Variants in KIAA1210 observed in about 807,000 individuals in gnomAD.
KIAA1210 encodes KIAA1210.
KIAA1210 carries 48 observed loss-of-function variants against 78.9 expected under a neutral mutation model. The ratio of observed to expected loss-of-function variants is 0.61; its 90% CI spans 0.48 to 0.77. The LOEUF is 0.77. KIAA1210 is among the 30% of genes least tolerant of loss of function. The pLI is 0.00. For synonymous variants in KIAA1210, 406 were observed against 404.5 expected (o/e 1.00, Z -0.04); for missense variants, 1,108 against 1,100.0 (o/e 1.01, Z -0.10).
At chrX:119,143,306 C>T (rs932194406) in intron 2 of KIAA1210, among the ~76,000 whole-genome samples, 2 of 112,503 alleles carry the variant, frequency 1.8e-5, no homozygotes, top group African/African-American at 3.2e-5. Context: ...TGGATCCAAC[C>T]TGTGCCCTTG....
At position 119,149,872 on chromosome X, in the gene KIAA1210, C is replaced by G. The variant is rs183946024; in HGVS notation, c.289+419G>C. ...TCCCTCTCTCTTTCCATCCCTCTCTCGGCCTTCCTCTCGTCTCTCTTCCAC... is the reference window on the plus strand; with the variant it reads ...TCCCTCTCTCTTTCCATCCCTCTCTGGGCCTTCCTCTCGTCTCTCTTCCAC... On this transcript the variant is annotated intron_variant, in intron 1 of 13. Coordinates refer to the KIAA1210 transcript ENST00000402510. 3.6e-3 allele frequency among the ~76,000 whole-genome samples: 401 copies of G among 111,105 alleles called. 2 individuals are homozygous for G. Among genetic ancestry groups the G allele is most frequent in the African/African-American group, 0.013 (384 of 30,537 alleles).
At chrX:119,124,164 T>C (rs1393508669) in intron 1 of KIAA1210, among the ~76,000 whole-genome samples, 1 of 111,909 alleles carries the variant, frequency 8.9e-6, no homozygotes, top group African/African-American at 3.3e-5. Context: ...ACCCAACTAA[T>C]TTTTGAATTT....
upstream of KIAA1210, among the ~76,000 whole-genome samples, chrX:119,128,810 G>T (rs989631629): frequency 5.4e-5 from 6 of 110,716 alleles, no homozygotes; most frequent in Non-Finnish European, 9.5e-5. Context: ...CAAGTAGCTG[G>T]GATTACAGAC....
In KIAA1210 at chrX:119,083,006, T is replaced by C; in HGVS notation, c.4426+9A>G. The C allele has an allele frequency of 8.6e-7, 1 of 1,159,238 alleles. No homozygotes were observed. Among genetic ancestry groups the C allele is most frequent in the Non-Finnish European group, 1.2e-6 (1 of 857,250 alleles). ...CTGTTTTTTGAGAGGTCAGAATGTA[T>C]GCTTTTACCTGATTTTGTAGGCTTA... On this transcript the variant is annotated intron_variant, in intron 11 of 11. Coordinates refer to ENST00000691062, the MANE Select transcript of KIAA1210 (RefSeq NM_001394962.1).
intron 1 of KIAA1210, among the ~76,000 whole-genome samples, chrX:119,125,726 TATATATATA>T (rs1404573547): frequency 2.7e-4 from 2 of 7,348 alleles, no homozygotes; most frequent in Non-Finnish European, 7.6e-4. Context: ...TATATATATA[TATATATATA>T]TTTTTTTTTT....
chrX:119,112,365 T>A (rs1928108124), intron 3 of KIAA1210, among the ~76,000 whole-genome samples: 1 of 111,595 alleles, frequency 9.0e-6, no homozygotes. Flanking sequence ...ATATATCTGA[T>A]AAGTCTTGGA....
chrX:119,089,355 A>T lies in KIAA1210; in HGVS notation c.1347T>A (p.Asp449Glu). ...CTGCTGATGCTTTTCTGGATCCGAA[A>T]TCTATGCCAGCATTTCTCCTTCCCA... is the stretch of plus-strand genomic sequence containing the variant. ...DDMGRRNAGI[D>E]FGSRKASAAQ... The change falls in exon 9 of 12, where the codon GAT becomes GAA. Residue 449 changes from aspartate to glutamate, a missense_variant. Around this residue, in one of 5 missense-constraint regions of KIAA1210, gnomAD observed 672 missense variants for 607.1 expected, o/e 1.11. Coordinates refer to ENST00000691062, the MANE Select transcript of KIAA1210 (RefSeq NM_001394962.1). The T allele has an allele frequency of 8.3e-7, 1 of 1,211,442 alleles. No individual in the cohort carries two copies. Among genetic ancestry groups the T allele is most frequent in the Non-Finnish European group, 1.1e-6 (1 of 895,334 alleles).
intron 2 of KIAA1210, among the ~76,000 whole-genome samples, chrX:119,120,966 G>A (rs1458426923): frequency 9.0e-6 from 1 of 111,037 alleles, no homozygotes; most frequent in African/African-American, 3.3e-5. Flanking sequence ...AGTAGCAAGG[G>A]TCTATGTCTT....
chrX:119,148,924 G>A (rs183968207), intron 1 of KIAA1210, among the ~76,000 whole-genome samples: 5 of 110,361 alleles, frequency 4.5e-5, no homozygotes, highest in African/African-American at 1.6e-4. Flanking sequence ...CTGTGTTTCT[G>A]CCCAAATTTG....
chrX:119,085,455 G>A lies in KIAA1210; in HGVS notation c.4248C>T (p.His1416=). The change falls in exon 10 of 12, where the codon CAC becomes CAT. Residue 1416 remains histidine, a synonymous_variant. Transcript: ENST00000691062. The part of the protein sequence containing the change: ...AKQKQKSFKA[H]ISVKELKTKS... ...TAGTTTTCAGCTCTTTCACAGAAAT[G>A]TGGGCCTTGAAACTCTTCTGCTTCT... The A allele has an allele frequency of 8.3e-7, 1 of 1,211,549 alleles. No individual in the cohort carries two copies. The highest frequency in any genetic ancestry group is 1.8e-5 in the South Asian group (1 of 56,977).
Position 119,085,558 on chromosome X carries a change from A to C in KIAA1210, c.4157-12T>G. Reference sequence around the variant, plus strand: ...ACCAGCAGGCTTTCCTGAGAAAGAAATGAAAGGAGTTAGAACTGAAGCAAG... The same window carrying C: ...ACCAGCAGGCTTTCCTGAGAAAGAACTGAAAGGAGTTAGAACTGAAGCAAG... On this transcript the variant is annotated splice_polypyrimidine_tract_variant and intron_variant, in intron 9 of 11. Transcript: ENST00000691062. The C allele has an allele frequency of 6.6e-6, 8 of 1,205,104 alleles. No individual in the cohort carries two copies. Among genetic ancestry groups the C allele is most frequent in the Non-Finnish European group, 9.0e-6 (8 of 892,345 alleles).
At chrX:119,121,076 T>C (rs1252991214) in intron 2 of KIAA1210, among the ~76,000 whole-genome samples, 2 of 111,311 alleles carry the variant, frequency 1.8e-5, no homozygotes, top group Non-Finnish European at 3.8e-5. Context: ...GTCTCAGCCC[T>C]GGGAGTGAGA....
At chrX:119,147,314 A>G (rs991238809) in intron 2 of KIAA1210, among the ~76,000 whole-genome samples, 4 of 111,770 alleles carry the variant, frequency 3.6e-5, no homozygotes, top group African/African-American at 1.3e-4. Context: ...CCTCATTACA[A>G]GTCAATATTT....
In KIAA1210 at chrX:119,084,762, A is replaced by G. The variant is rs192860475; in HGVS notation, c.4320+621T>C. Among the ~76,000 whole-genome samples the G allele has an allele frequency of 6.2e-4, 70 of 112,218 alleles. 1 individual carries two copies. The highest frequency in any genetic ancestry group is 4.7e-3 in the Admixed American group (50 of 10,614). On this transcript the variant is annotated intron_variant, in intron 10 of 11. Coordinates refer to ENST00000691062, the MANE Select transcript of KIAA1210 (RefSeq NM_001394962.1). The stretch of plus-strand genomic sequence containing the variant: ...CAAACCTATGGAAATAAAAAATTAA[A>G]AATAAAATAAAATGACTTACTCCTT...
Position 119,081,353 on chromosome X carries a change from G to A in KIAA1210, c.4578C>T (p.Ser1526=), listed in dbSNP as rs1489609176. The A allele has an allele frequency of 1.7e-6, 2 of 1,205,906 alleles. No homozygotes were observed. The highest frequency in any genetic ancestry group is 2.2e-6 in the Non-Finnish European group (2 of 892,691). Residue 1526 remains serine, a synonymous_variant, in exon 12 of 12, where the codon AGC becomes AGT. Coordinates refer to ENST00000691062, the MANE Select transcript of KIAA1210 (RefSeq NM_001394962.1). ...TTTATTGCGTGATTTCTGCCATGTG[G>A]CTCCATGCTTTGGCTTTCTTCCTGG... ...SLARKKAKAW[S]HMAEITQ
intron 1 of KIAA1210, among the ~76,000 whole-genome samples, chrX:119,125,470 T>C (rs1263132918): frequency 9.3e-6 from 1 of 107,579 alleles, no homozygotes; most frequent in Non-Finnish European, 1.9e-5. Flanking sequence ...ATGAAAAGGA[T>C]AGTTCTCCCA....
chrX:119,082,989 T>C (rs1376779099), intron 11 of KIAA1210, 26 bp downstream of exon 11: 27 of 1,069,857 alleles, frequency 2.5e-5, no homozygotes, highest in African/African-American at 3.7e-5. Context: ...GGCTGTTTTT[T>C]GAGAGGTCAG....
chrX:119,108,641 G>A (rs970211889), intron 4 of KIAA1210, among the ~76,000 whole-genome samples, 170 bp from the exon 5 acceptor site: 3 of 110,637 alleles, frequency 2.7e-5, no homozygotes, highest in Non-Finnish European at 5.7e-5. Context: ...AAGGCGGGAG[G>A]GTTGCTTGGG....
intron 5 of KIAA1210, among the ~76,000 whole-genome samples, chrX:119,105,533 G>A (rs1251659564): frequency 1.8e-5 from 2 of 112,243 alleles, no homozygotes; most frequent in Admixed American, 1.9e-4. Context: ...TGGAAGTCCA[G>A]TTCTCATAGA....
Sources: allele counts gnomAD v4.1 joint callset (sites outside exome capture counted in the v4.1 genomes callset), GRCh38; gene constraint gnomAD v4.1.1; regional missense constraint gnomAD v4.1.1; transcripts MANE v1.5; gene names NCBI Gene and HGNC (gene_info 2026-07-23, HGNC 2026-07-21).